PIBF1: variants seen among roughly 807,000 people sequenced by gnomAD.
The protein encoded by PIBF1 is progesterone immunomodulatory binding factor 1.
PIBF1 carries 90 observed loss-of-function variants against 112.5 expected under a neutral mutation model. That is an observed-to-expected ratio of 0.80 (90% CI 0.67 to 0.95). The LOEUF is 0.95. Among genes scored for constraint, PIBF1 ranks in the 40% least tolerant of loss-of-function variants. The pLI, the probability that PIBF1 is intolerant of heterozygous loss-of-function variation, is 0.00. For synonymous variants in PIBF1, 301 were observed against 288.6 expected (o/e 1.04, Z -0.44); for missense variants, 915 against 852.3 (o/e 1.07, Z -0.92).
chr13:72,876,134 C>CTTTTTTTTTTTTTTTT (rs386363749), intron 10 of PIBF1, among the ~76,000 whole-genome samples: 2 of 91,214 alleles, frequency 2.2e-5, no homozygotes, highest in African/African-American at 8.8e-5. Context: ...TGTTCAGATT[C>CTTTTTTTTTTTTTTTT]TTTTTTTTTT....
intron 14 of PIBF1, among the ~76,000 whole-genome samples, chr13:72,936,582 T>C (rs1044035418): frequency 6.6e-6 from 1 of 152,230 alleles, no homozygotes; most frequent in African/African-American, 2.4e-5. Context: ...ACAACTGTTG[T>C]AGCATCATTT....
At chr13:72,821,738 A>T in intron 5 of PIBF1, 111 bp from the exon 6 acceptor site, 1 of 693,046 alleles carries the variant, frequency 1.4e-6, no homozygotes, top group Non-Finnish European at 2.2e-6. Flanking sequence ...AATTTTTTTT[A>T]CTGTTTAATT....
chr13:72,872,990 AC>A (rs1315400705), intron 10 of PIBF1, among the ~76,000 whole-genome samples: 1 of 152,216 alleles, frequency 6.6e-6, no homozygotes, highest in African/African-American at 2.4e-5. Context: ...AGATTTGAAC[AC>A]TTAATTTTGC....
intron 9 of PIBF1, among the ~76,000 whole-genome samples, chr13:72,850,401 G>A (rs1273480827): frequency 1.3e-5 from 2 of 152,164 alleles, no homozygotes; most frequent in African/African-American, 4.8e-5. Context: ...ATAGAATTTT[G>A]TTTATGCCTT....
At position 72,783,696 on chromosome 13, in the gene PIBF1, A is replaced by G. The variant is rs1180562849; in HGVS notation, c.227A>G (p.Asn76Ser). The change falls in exon 2 of 18, where the codon AAT (asparagine) becomes AGT (serine). Residue 76 changes from asparagine (N) to serine (S), a missense_variant. By Grantham distance (46) the Asn-to-Ser change is conservative (BLOSUM62 1). Coordinates refer to ENST00000326291, the MANE Select transcript of PIBF1 (RefSeq NM_006346.4). The part of the protein sequence containing the change: ...ELSQKTMMID[N>S]LKVDYLTKIE... ...TCCCAGAAAACTATGATGATCGACA[A>G]TTTGAAAGTGGATTATCTTACAAAG... The G allele has an allele frequency of 5.0e-6, 8 of 1,613,990 alleles. No individual in the cohort carries two copies. The highest frequency in any genetic ancestry group is 1.3e-5 in the African/African-American group (1 of 75,042).
intron 8 of PIBF1, among the ~76,000 whole-genome samples, chr13:72,832,072 C>CTTTTT (rs754794968): frequency 1.6e-4 from 7 of 42,898 alleles, no homozygotes; most frequent in African/African-American, 4.2e-4. Flanking sequence ...CAATTCCGGC[C>CTTTTT]TTTTTTTTTT....
intron 14 of PIBF1, among the ~76,000 whole-genome samples, chr13:72,936,847 A>G (rs1170449080): frequency 6.6e-6 from 1 of 152,092 alleles, no homozygotes; most frequent in Non-Finnish European, 1.5e-5. Flanking sequence ...GACATTACGT[A>G]AGTTGAATAT....
At chr13:72,828,267 CT>C (rs780999187) in intron 8 of PIBF1, among the ~76,000 whole-genome samples, 1,292 of 123,660 alleles carry the variant, frequency 0.01, 9 homozygotes, top group Non-Finnish European at 0.015. Flanking sequence ...GATATGTTTG[CT>C]TTTTTTTTTT....
chr13:72,898,063 A>G (rs1437861216), intron 11 of PIBF1, among the ~76,000 whole-genome samples: 4 of 152,230 alleles, frequency 2.6e-5, no homozygotes, highest in South Asian at 2.1e-4. Flanking sequence ...CTGATAGGCC[A>G]TAAAATGAGC....
At chr13:72,909,956 C>T (rs572373163) in intron 12 of PIBF1, among the ~76,000 whole-genome samples, 1 of 152,216 alleles carries the variant, frequency 6.6e-6, no homozygotes, top group South Asian at 2.1e-4. Context: ...TCACCATTGG[C>T]TGTGATGTTT....
chr13:72,929,854 C>T (rs2041647613), intron 13 of PIBF1, among the ~76,000 whole-genome samples: 1 of 151,898 alleles, frequency 6.6e-6, no homozygotes, highest in Non-Finnish European at 1.5e-5. Context: ...ATATTTAACA[C>T]TATTTATTAT....
rs189207405 is a variant in PIBF1, at chr13:72,926,534, T to A, written c.1731-4631T>A. On this transcript the variant is annotated intron_variant, in intron 13 of 17. Coordinates refer to ENST00000326291, the MANE Select transcript of PIBF1 (RefSeq NM_006346.4). Reference sequence around the variant, plus strand: ...TCCTTCTGCAGGCCATCCTGCACACTACTGATAGAGCACTCTTTCTAAAGT... The same window carrying A: ...TCCTTCTGCAGGCCATCCTGCACACAACTGATAGAGCACTCTTTCTAAAGT... Among the ~76,000 whole-genome samples, 88 of 152,348 alleles carry A rather than the reference T, an allele frequency of 5.8e-4. 1 individual carries two copies. The highest frequency in any genetic ancestry group is 3.6e-3 in the Admixed American group (55 of 15,298).
chr13:72,966,213 G>A (rs189306736), intron 15 of PIBF1, among the ~76,000 whole-genome samples: 281 of 152,230 alleles, frequency 1.8e-3, no homozygotes, highest in Non-Finnish European at 2.7e-3. Context: ...GTTTCTTAAA[G>A]TATGCAAACA....
rs114022886 is a variant in PIBF1 at position 72,789,158 on chromosome 13, C to T, written c.253-3289C>T. On this transcript the variant is annotated intron_variant, in intron 2 of 17. Coordinates refer to ENST00000326291, the MANE Select transcript of PIBF1 (RefSeq NM_006346.4). ...TGCCTAGATTCCCTTCCTTACTGTA[C>T]TTCTTTATTCCTTTCCTCTTCTCTG... Among the ~76,000 whole-genome samples the T allele has an allele frequency of 6.9e-3, 1,052 of 152,104 alleles. 15 individuals carry two copies. The highest frequency in any genetic ancestry group is 0.024 in the African/African-American group (1,014 of 41,522).
chr13:72,897,344 T>C (rs4142378), intron 11 of PIBF1, among the ~76,000 whole-genome samples: 117,405 of 151,584 alleles, frequency 0.77, 45,777 homozygotes, highest in South Asian at 0.85. Flanking sequence ...AAAACAAAAT[T>C]GCTTCAAAGC....
At chr13:72,829,611 G>A (rs1324976312) in intron 8 of PIBF1, among the ~76,000 whole-genome samples, 1 of 152,128 alleles carries the variant, frequency 6.6e-6, no homozygotes, top group Non-Finnish European at 1.5e-5. Context: ...TTATTTCTGA[G>A]GCCTCTGTTC....
intron 2 of PIBF1, among the ~76,000 whole-genome samples, chr13:72,788,807 T>G: frequency 6.6e-6 from 1 of 152,210 alleles, no homozygotes; most frequent in East Asian, 1.9e-4. Context: ...CAAGTAAGTT[T>G]TTTCTTCTAC....
intron 9 of PIBF1, among the ~76,000 whole-genome samples, chr13:72,837,683 T>G (rs1363884467): frequency 6.6e-6 from 1 of 152,154 alleles, no homozygotes; most frequent in African/African-American, 2.4e-5. Flanking sequence ...TGCTTCTCCT[T>G]AGACTTTTAT....
chr13:72,831,878 C>G (rs1242168978), intron 8 of PIBF1, among the ~76,000 whole-genome samples: 1 of 152,020 alleles, frequency 6.6e-6, no homozygotes, highest in Non-Finnish European at 1.5e-5. Flanking sequence ...GTATGAGAGT[C>G]TAAGTCTGTT....
Sources: gnomAD v4.1 joint callset for allele counts (sites outside exome capture counted in the v4.1 genomes callset) on GRCh38, gnomAD v4.1.1 for gene constraint, MANE v1.5 for transcripts, NCBI Gene and HGNC (gene_info 2026-07-23, HGNC 2026-07-21) for gene names.